Variants in LRP1B observed in about 807,000 individuals in gnomAD.
The protein encoded by LRP1B is low-density lipoprotein receptor-related protein 1B.
LRP1B carries 217 observed loss-of-function variants against 556.6 expected under a neutral mutation model. The ratio of observed to expected loss-of-function variants is 0.39; its 90% CI spans 0.35 to 0.44. LRP1B has a LOEUF of 0.44. LRP1B is among the 20% of genes least tolerant of loss of function. The probability of loss-of-function intolerance (pLI) is 1.00; values close to 1 mark genes in which losing one functional copy is unlikely to be tolerated. For synonymous variants in LRP1B, 2,047 were observed against 1,865.8 expected (o/e 1.10, Z -2.50); for missense variants, 5,053 against 5,620.8 (o/e 0.90, Z 3.23).
At chr2:140,442,935 T>A (rs1284113824) in intron 65 of LRP1B, among the ~76,000 whole-genome samples, 1 of 152,108 alleles carries the variant, frequency 6.6e-6, no homozygotes, top group African/African-American at 2.4e-5. Context: ...TCAAAATAAG[T>A]TTTTTTCCAG....
At chr2:140,265,665 G>A (rs1682168991) in intron 86 of LRP1B, among the ~76,000 whole-genome samples, 5 of 152,050 alleles carry the variant, frequency 3.3e-5, no homozygotes, top group Admixed American at 3.3e-4. Context: ...GCACTATACT[G>A]TATCTCTGAA....
intron 7 of LRP1B, among the ~76,000 whole-genome samples, chr2:141,144,626 G>A (rs567479955): frequency 7.2e-5 from 11 of 151,982 alleles, no homozygotes; most frequent in African/African-American, 2.2e-4. Flanking sequence ...CCCTTCATAC[G>A]CTAGAAGATC....
rs1328548915 is a variant in LRP1B, at chr2:141,688,257, G to C, written c.205+122022C>G. On this transcript the variant is annotated intron_variant, in intron 2 of 90. Coordinates refer to ENST00000389484, the MANE Select transcript of LRP1B (RefSeq NM_018557.3). ...TCACATGTATATTACACAGACATAGGCTATGTTCTCTTCATGTGTTTACGT... is the reference window on the plus strand; with the variant it reads ...TCACATGTATATTACACAGACATAGCCTATGTTCTCTTCATGTGTTTACGT... Among the ~76,000 whole-genome samples, 6 of 151,350 alleles carry C rather than the reference G, an allele frequency of 4.0e-5. No homozygotes were observed. In the Admixed American group the frequency reaches 4.0e-4, roughly 10 times the overall value.
At chr2:140,964,173 C>G (rs146373963) in intron 18 of LRP1B, among the ~76,000 whole-genome samples, 3 of 152,138 alleles carry the variant, frequency 2.0e-5, no homozygotes, top group Admixed American at 6.5e-5. Context: ...AGACAGCTTA[C>G]GCCATTATTT....
intron 77 of LRP1B, among the ~76,000 whole-genome samples, chr2:140,347,304 A>T (rs1328269133): frequency 6.6e-6 from 1 of 151,864 alleles, no homozygotes; most frequent in African/African-American, 2.4e-5. Context: ...CGAAAAAAAA[A>T]TCCATTCCTC....
intron 7 of LRP1B, among the ~76,000 whole-genome samples, chr2:141,092,754 GGAGA>G (rs1166347964): frequency 1.3e-5 from 2 of 152,264 alleles, no homozygotes; most frequent in Non-Finnish European, 2.9e-5. Flanking sequence ...GTTTCAAGGA[GGAGA>G]GAGAGTGATC....
intron 7 of LRP1B, among the ~76,000 whole-genome samples, chr2:141,072,619 A>C (rs907753457): frequency 1.3e-5 from 2 of 151,878 alleles, no homozygotes; most frequent in Non-Finnish European, 2.9e-5. Flanking sequence ...TCCCTCTGCA[A>C]CACTTTTGGA....
At chr2:141,156,473 A>C (rs115548764) in intron 7 of LRP1B, among the ~76,000 whole-genome samples, 1 of 152,134 alleles carries the variant, frequency 6.6e-6, no homozygotes, top group African/African-American at 2.4e-5. Flanking sequence ...CAAAAAATTC[A>C]AAAACTTAGA....
intron 1 of LRP1B, among the ~76,000 whole-genome samples, chr2:141,963,049 T>A (rs1316354606): frequency 6.6e-6 from 1 of 151,738 alleles, no homozygotes; most frequent in African/African-American, 2.4e-5. Flanking sequence ...CAAGCCAAAG[T>A]GACATAGAGA....
chr2:140,853,142 T>A (rs1325039555), intron 27 of LRP1B, among the ~76,000 whole-genome samples: 1 of 151,914 alleles, frequency 6.6e-6, no homozygotes, highest in Non-Finnish European at 1.5e-5. Context: ...CTGAAACAGG[T>A]CATGAAAGCT....
At position 140,702,440 on chromosome 2, in the gene LRP1B, G is replaced by A. The variant is rs1406271819; in HGVS notation, c.6137C>T (p.Ser2046Phe). 6.2e-7 allele frequency: 1 copy of A among 1,613,400 alleles called. No individual in the cohort carries two copies. ...SMGIAWPNGISIDYEENKLYW... is the reference protein window; with the variant it reads ...SMGIAWPNGIFIDYEENKLYW... ...AATCCAACAGACCTCATAGTCGATG[G>A]AGATGCCATTCGGCCATGCTATTCC... The change falls in exon 38 of 91, where the codon TCC becomes TTC. Residue 2046 changes from serine (S) to phenylalanine (F), a missense_variant. Ser to Phe is a radical substitution (Grantham distance 155). Transcript: ENST00000389484.
intron 14 of LRP1B, among the ~76,000 whole-genome samples, chr2:141,007,380 T>C (rs927341010): frequency 1.3e-5 from 2 of 151,864 alleles, no homozygotes; most frequent in South Asian, 4.1e-4. Context: ...AAAATAAATT[T>C]AATTCACTAT....
chr2:140,635,474 T>C (rs1453585955), intron 41 of LRP1B, among the ~76,000 whole-genome samples: 1 of 152,054 alleles, frequency 6.6e-6, no homozygotes, highest in Non-Finnish European at 1.5e-5. Context: ...TATTCATTTA[T>C]TATCCTGTTT....
chr2:141,426,792 C>A (rs1333437945), intron 3 of LRP1B, among the ~76,000 whole-genome samples: 1 of 152,108 alleles, frequency 6.6e-6, no homozygotes, highest in East Asian at 1.9e-4. Context: ...AGGGTTAAAA[C>A]AAAGACAAGT....
intron 1 of LRP1B, among the ~76,000 whole-genome samples, chr2:141,839,382 C>A (rs1429771285): frequency 6.6e-6 from 1 of 152,174 alleles, no homozygotes; most frequent in Non-Finnish European, 1.5e-5. Flanking sequence ...CACAAACATG[C>A]ACCATTGAGC....
At chr2:141,874,820 T>A (rs1381699745) in intron 1 of LRP1B, among the ~76,000 whole-genome samples, 2 of 151,994 alleles carry the variant, frequency 1.3e-5, no homozygotes, top group African/African-American at 4.8e-5. Context: ...ACTTTTAAGC[T>A]AATCTTCAGG....
chr2:141,076,085 G>A (rs1699778460), intron 7 of LRP1B, among the ~76,000 whole-genome samples: 1 of 152,148 alleles, frequency 6.6e-6, no homozygotes, highest in South Asian at 2.1e-4. Context: ...TAAGGCAAAA[G>A]TTCTGTAAAG....
chr2:141,818,769 C>G (rs1396021133), intron 1 of LRP1B, among the ~76,000 whole-genome samples: 1 of 151,216 alleles, frequency 6.6e-6, no homozygotes, highest in East Asian at 2.0e-4. Flanking sequence ...ATCTCCTGAC[C>G]TCGTGATCTG....
intron 32 of LRP1B, among the ~76,000 whole-genome samples, chr2:140,797,669 T>G (rs1261228439): frequency 1.3e-5 from 2 of 152,098 alleles, no homozygotes; most frequent in Admixed American, 6.6e-5. Context: ...ATGCATAAAT[T>G]AATTATGTAA....
Sources: allele counts gnomAD v4.1 joint callset (sites outside exome capture counted in the v4.1 genomes callset), GRCh38; gene constraint gnomAD v4.1.1; transcripts MANE v1.5; gene names NCBI Gene and HGNC (gene_info 2026-07-23, HGNC 2026-07-21).